MICAL1: variants seen among roughly 807,000 people sequenced by gnomAD.
MICAL1 encodes microtubule associated monooxygenase, calponin and LIM domain containing 1, also known as [F-actin]-monooxygenase MICAL1.
In MICAL1, 95 loss-of-function variants were observed where a neutral mutation model predicts 131.8. The observed-to-expected ratio is 0.72, with a 90% CI of 0.61 to 0.86. MICAL1 has a LOEUF of 0.86. Among genes scored for constraint, MICAL1 ranks in the 40% least tolerant of loss-of-function variants. The probability of loss-of-function intolerance (pLI) is 0.00; values close to 1 mark genes in which losing one functional copy is unlikely to be tolerated. For synonymous variants in MICAL1, 546 were observed against 554.2 expected, an observed-to-expected ratio of 0.99 and a Z score of 0.21; for missense variants, 1,292 against 1,380.6, an observed-to-expected ratio of 0.94 and a Z score of 1.02.
In MICAL1 at chr6:109,452,303, TG is replaced by T; in HGVS notation, c.774del (p.Ser259ValfsTer3). On this transcript the variant is annotated frameshift_variant, in exon 6 of 25. Transcript: ENST00000358807. LOFTEE classifies it high-confidence loss of function. ...TGGTTGTAGATCCTGGCTACACCAC[TG>T]ATCTCCGGCACCTGTGTCTCCTCCA... ...RTVEETQVPE[I>X]SGVARIYNQS... The T allele has an allele frequency of 6.2e-7, 1 of 1,614,192 alleles. No homozygotes were observed. Among genetic ancestry groups the T allele is most frequent in the Non-Finnish European group, 8.5e-7 (1 of 1,180,026 alleles).
upstream of MICAL1, among the ~76,000 whole-genome samples, chr6:109,456,836 G>T (rs551886576): frequency 6.6e-6 from 1 of 152,288 alleles, no homozygotes; most frequent in East Asian, 1.9e-4. Flanking sequence ...GATGTTCTGT[G>T]ATCTGCACAC....
At position 109,453,320 on chromosome 6, in the gene MICAL1, C is replaced by T; in HGVS notation, c.514G>A (p.Gly172Arg). Residue 172 changes from glycine to arginine, a missense_variant, in exon 4 of 25, where the codon GGG (glycine) becomes AGG (arginine). Physicochemically the swap from Gly to Arg is moderately radical, Grantham distance 125 (BLOSUM62 -2). Transcript: ENST00000358807. ...GTGACACCCCAGTGAATTTCCACCC[C>T]CAGCAGCAATGCTACCTTCAGCAGA... ...LLLLKVALLL[G>R]VEIHWGVTFT... 6.2e-7 allele frequency: 1 copy of T among 1,614,134 alleles called. No individual in the cohort carries two copies. The highest frequency in any genetic ancestry group is 1.1e-5 in the South Asian group (1 of 91,092).
intron 22 of MICAL1, 22 bp from the exon 23 acceptor site, chr6:109,445,017 A>G (rs763604386): frequency 6.2e-7 from 1 of 1,611,004 alleles, no homozygotes; most frequent in Non-Finnish European, 8.5e-7. Context: ...GAAGATGGGT[A>G]GGGTGATCAG....
At chr6:109,465,528 G>A in intron 1 of MICAL1, 1 of 954,764 alleles carries the variant, frequency 1.0e-6, no homozygotes, top group East Asian at 2.6e-5. Context: ...CATAACCTAT[G>A]GCTGTGAACA....
chr6:109,453,330 T>A lies in MICAL1; in HGVS notation c.504A>T (p.Ala168=). 6.2e-7 allele frequency: 1 copy of A among 1,613,946 alleles called. No homozygotes were observed. The highest frequency in any genetic ancestry group is 1.3e-5 in the African/African-American group (1 of 75,014). Residue 168 remains alanine, a synonymous_variant, in exon 4 of 25, where the codon GCA becomes GCT. Coordinates refer to ENST00000358807, the MANE Select transcript of MICAL1 (RefSeq NM_022765.4). Reference sequence around the variant, plus strand: ...AGTGAATTTCCACCCCCAGCAGCAATGCTACCTTCAGCAGAAGCAGCTGGA... The same window carrying A: ...AGTGAATTTCCACCCCCAGCAGCAAAGCTACCTTCAGCAGAAGCAGCTGGA... ...RQLQLLLLKV[A]LLLGVEIHWG...
chr6:109,458,904 A>T (rs1469393559), upstream of MICAL1, among the ~76,000 whole-genome samples: 1 of 152,226 alleles, frequency 6.6e-6, no homozygotes, highest in Non-Finnish European at 1.5e-5. Flanking sequence ...ATGATTTAAA[A>T]AGTGACATCT....
At chr6:109,455,822 G>T (rs1009841999), upstream of MICAL1, 14 of 985,328 alleles carry the variant, frequency 1.4e-5, no homozygotes, top group Non-Finnish European at 7.2e-6. This position sits in a 1 kb window ranked among gnomAD's most constrained non-coding sequence, Gnocchi z 4.7. Flanking sequence ...CGCCGAGATC[G>T]GGCGGGGATG....
rs1166560475 is a variant in MICAL1, at chr6:109,447,125, A to G, written c.2175T>C (p.His725=). The stretch of plus-strand genomic sequence containing the variant: ...CTGGCCACAGTGTGGCCTCACAGGT[A>G]TGGCAGCGGAAGCAGCTCCGGTGGA... ...HFFHRSCFRC[H]TCEATLWPGG... Residue 725 remains histidine (H), a synonymous_variant, in exon 17 of 25, where the codon CAT becomes CAC. Coordinates refer to ENST00000358807, the MANE Select transcript of MICAL1 (RefSeq NM_022765.4). 4 of 1,614,154 alleles carry G rather than the reference A, an allele frequency of 2.5e-6. No individual in the cohort carries two copies. Among genetic ancestry groups the G allele is most frequent in the East Asian group, 2.2e-5 (1 of 44,876 alleles).
In MICAL1 at chr6:109,448,301, A is replaced by G; in HGVS notation, c.1757T>C (p.Val586Ala). Reference sequence around the variant, plus strand: ...CCCTGCTACCACGGCCTGTGCAGACACCACCGGTGTGATGCCCAGCTCATT... The same window carrying G: ...CCCTGCTACCACGGCCTGTGCAGACGCCACCGGTGTGATGCCCAGCTCATT... The part of the protein sequence containing the change: ...AENELGITPV[V>A]SAQAVVAGSD... The change falls in exon 13 of 25, where the codon GTG (valine) becomes GCG (alanine). Residue 586 changes from valine to alanine, a missense_variant. By Grantham distance (64) the Val-to-Ala change is moderately conservative. Transcript: ENST00000358807. 6.2e-7 allele frequency: 1 copy of G among 1,613,998 alleles called. No individual in the cohort carries two copies.
intron 13 of MICAL1, 86 bp from the exon 14 acceptor site, chr6:109,448,049 G>A: frequency 6.9e-7 from 1 of 1,452,072 alleles, no homozygotes. Flanking sequence ...AACCCAGAAG[G>A]ACACCTCTCC....
In MICAL1 at chr6:109,445,189, T is replaced by A. The variant is rs1287329033; in HGVS notation, c.2881+8A>T. ...GAAGGCAGAGGGGTGTCCTAGCTTG[T>A]CACTCACTGCTCTGGCGCCTCAAGG... On this transcript the variant is annotated splice_region_variant and intron_variant, in intron 22 of 24. Coordinates refer to ENST00000358807, the MANE Select transcript of MICAL1 (RefSeq NM_022765.4). 4 of 1,612,662 alleles carry A rather than the reference T, an allele frequency of 2.5e-6. No individual in the cohort carries two copies. Among genetic ancestry groups the A allele is most frequent in the Admixed American group, 3.3e-5 (2 of 60,000 alleles).
upstream of MICAL1, chr6:109,456,076 T>C (rs997092780): frequency 1.9e-4 from 185 of 970,954 alleles, no homozygotes; most frequent in Non-Finnish European, 2.2e-4. Flanking sequence ...TCTGGCCTGT[T>C]GGGGGCTGAG....
chr6:109,445,969 G>A, intron 19 of MICAL1, 107 bp from the exon 20 acceptor site: 2 of 1,512,342 alleles, frequency 1.3e-6, no homozygotes, highest in Admixed American at 2.1e-5. Context: ...AAGACTGAAT[G>A]TATGTGTTGG....
intron 7 of MICAL1, among the ~76,000 whole-genome samples, chr6:109,450,904 G>A (rs139070504): frequency 6.6e-6 from 1 of 152,282 alleles, no homozygotes; most frequent in Non-Finnish European, 1.5e-5. Flanking sequence ...GATGGGAGAT[G>A]CAAATTTAAC....
chr6:109,448,005 A>C (rs377215423), intron 13 of MICAL1, 42 bp from the exon 14 acceptor site: 1 of 1,550,632 alleles, frequency 6.4e-7, no homozygotes, highest in Non-Finnish European at 8.7e-7. Flanking sequence ...GGGGGGTGCC[A>C]ATACTGTACT....
rs776794490 is a variant in MICAL1 at position 109,446,733 on chromosome 6, T to C, written c.2267A>G (p.His756Arg). 6.2e-7 allele frequency: 1 copy of C among 1,613,822 alleles called. No homozygotes were observed. Among genetic ancestry groups the C allele is most frequent in the East Asian group, 2.2e-5 (1 of 44,872 alleles). The change falls in exon 18 of 25, where the codon CAC (histidine) becomes CGC (arginine). Residue 756 changes from histidine (H) to arginine (R), a missense_variant. Physicochemically the swap from His to Arg is conservative, Grantham distance 29. Transcript: ENST00000358807. ...GCCTCTATCGCTGCCTTCCGCTTTG[T>C]GGTCTGTCTGGGGCAGGTGCTGGAG... ...YCLQHLPQTD[H>R]KAEGSDRGPE... is the part of the protein sequence containing the mutation.
Position 109,446,357 on chromosome 6 carries a change from G to A in MICAL1, c.2360C>T (p.Ala787Val), listed in dbSNP as rs767617933. The stretch of plus-strand genomic sequence containing the variant: ...AACAGGACCGGCCCCCTCCTGCGAG[G>A]CTGTGGGAGTTGAGAGGCCTGGTGG... The part of the protein sequence containing the change: ...SMPPGLSTPT[A>V]SQEGAGPVPD... Residue 787 changes from alanine to valine, a missense_variant, in exon 19 of 25, where the codon GCC becomes GTC. Transcript: ENST00000358807. The A allele has an allele frequency of 3.7e-6, 6 of 1,613,564 alleles. No individual in the cohort carries two copies. The South Asian group carries it at 4.4e-5, about 12-fold the overall frequency.
chr6:109,456,746 T>C (rs1170432142), upstream of MICAL1, among the ~76,000 whole-genome samples: 1 of 152,210 alleles, frequency 6.6e-6, no homozygotes, highest in Non-Finnish European at 1.5e-5. Flanking sequence ...GTCTCATTTA[T>C]TGACCGTCAT....
chr6:109,464,976 A>G (rs1775998557), intron 1 of MICAL1: 1 of 152,274 alleles, frequency 6.6e-6, no homozygotes, highest in South Asian at 2.1e-4. Flanking sequence ...CTTAAATTAC[A>G]CTGAATAAAG....
Sources: gnomAD v4.1 joint callset for allele counts (sites outside exome capture counted in the v4.1 genomes callset) on GRCh38, gnomAD v4.1.1 for gene constraint, Gnocchi (gnomAD v3.1) non-coding constraint, MANE v1.5 for transcripts, NCBI Gene and HGNC (gene_info 2026-07-23, HGNC 2026-07-21) for gene names.